Variants in CASKIN1 observed in about 807,000 individuals in gnomAD.
The protein encoded by CASKIN1 is caskin-1.
Under a neutral mutation model 117.5 loss-of-function variants are expected in CASKIN1, and 42 were observed. The observed-to-expected ratio is 0.36, with a 90% CI of 0.28 to 0.46. The LOEUF (loss-of-function observed/expected upper bound fraction) is 0.46. CASKIN1 is among the 20% of genes least tolerant of loss of function. The probability of loss-of-function intolerance (pLI) is 1.00; values close to 1 mark genes in which losing one functional copy is unlikely to be tolerated. For missense variants in CASKIN1, 2,083 were observed against 2,077.3 expected, an observed-to-expected ratio of 1.00 and a Z score of -0.05; for synonymous variants, 1,148 against 961.7, an observed-to-expected ratio of 1.19 and a Z score of -3.59.
At chr16:2,187,510 G>C (rs561382265) in intron 6 of CASKIN1, 49 bp from the exon 7 acceptor site, 421 of 1,488,466 alleles carry the variant, frequency 2.8e-4, no homozygotes, top group Non-Finnish European at 3.8e-4. Context: ...CAGGAGGCCG[G>C]CCCCAGCACC....
chr16:2,193,110 C>T (rs936128952), intron 1 of CASKIN1, among the ~76,000 whole-genome samples: 8 of 152,136 alleles, frequency 5.3e-5, no homozygotes, highest in African/African-American at 1.4e-4. Flanking sequence ...CTCCACCTCC[C>T]GGGTTCAAGC....
Position 2,178,426 on chromosome 16 carries a change from G to T in CASKIN1, c.*124C>A. ...GCGCCCCGGCCCGGGTCCAGGGGCC[G>T]GAGTTGTGCTTCTGCAGGGCCCTGC... On this transcript the variant is annotated 3_prime_UTR_variant, in exon 20 of 20. Transcript: ENST00000343516. 1 of 673,334 alleles carries T rather than the reference G, an allele frequency of 1.5e-6. No individual in the cohort carries two copies. The highest frequency in any genetic ancestry group is 2.2e-6 in the Non-Finnish European group (1 of 444,808). 41.7% of individuals were successfully genotyped at this position (673,334 alleles called of 1,614,324 possible).
chr16:2,194,183 G>A (rs1344340200), intron 1 of CASKIN1, among the ~76,000 whole-genome samples: 2 of 152,240 alleles, frequency 1.3e-5, no homozygotes, highest in East Asian at 3.9e-4. Flanking sequence ...GCTGGCCCTC[G>A]GTGCTCAGGG....
intron 1 of CASKIN1, 75 bp from the exon 2 acceptor site, chr16:2,190,433 G>A (rs1379140427): frequency 7.6e-7 from 1 of 1,322,922 alleles, no homozygotes. Flanking sequence ...GGGAGAGGGG[G>A]CCAGCCATCT....
chr16:2,178,080 G>C lies in CASKIN1; in HGVS notation c.*470C>G, dbSNP rs761536655. On this transcript the variant is annotated 3_prime_UTR_variant, in exon 20 of 20. Transcript: ENST00000343516. ...AAGTTATACCTTTTTGTTTCTCTGG[G>C]GAAATCCGCCTCAGCTCATTCCCAA... The C allele has an allele frequency of 2.0e-6, 1 of 488,984 alleles. No individual in the cohort carries two copies. Among genetic ancestry groups the C allele is most frequent in the Non-Finnish European group, 3.9e-6 (1 of 254,970 alleles). The allele number at this position is 488,984 out of a possible 1,614,324, so 30.3% of individuals were successfully genotyped here.
At chr16:2,185,749 G>A (rs929885462) in intron 10 of CASKIN1, among the ~76,000 whole-genome samples, 4 of 152,236 alleles carry the variant, frequency 2.6e-5, no homozygotes, top group Admixed American at 2.0e-4. Context: ...TCAGGAGCTA[G>A]ATGGCCATGG....
At position 2,181,948 on chromosome 16, in the gene CASKIN1, G is replaced by A. The variant is rs2093169615; in HGVS notation, c.1630-19C>T. ...GGTTAGCCTACAGAGCAGACACACA[G>A]AGGAGCCACCTGGGCTGGCTGCCCG... is the stretch of plus-strand genomic sequence containing the variant. On this transcript the variant is annotated intron_variant, in intron 16 of 19. Coordinates refer to ENST00000343516, the MANE Select transcript of CASKIN1 (RefSeq NM_020764.4). The A allele has an allele frequency of 6.2e-7, 1 of 1,611,702 alleles. No homozygotes were observed.
At position 2,196,434 on chromosome 16, in the gene CASKIN1, G is replaced by T; in HGVS notation, c.-2C>A. 1 of 1,275,410 alleles carries T rather than the reference G, an allele frequency of 7.8e-7. No homozygotes were observed. Among genetic ancestry groups the T allele is most frequent in the South Asian group, 1.7e-5 (1 of 58,326 alleles). 79.0% of individuals were successfully genotyped at this position (1,275,410 alleles called of 1,614,324 possible). ...CACCAGCTCCTGCTCCTTCCCCATG[G>T]CGCGGCCGGGGCCGCAGCGACGCGG... On this transcript the variant is annotated 5_prime_UTR_variant, in exon 1 of 20. Coordinates refer to ENST00000343516, the MANE Select transcript of CASKIN1 (RefSeq NM_020764.4). The surrounding 1 kb of genome is among the most constrained non-coding windows in gnomAD (Gnocchi z 5.7).
chr16:2,177,937 G>C lies in CASKIN1; in HGVS notation c.*613C>G, dbSNP rs1478053215. 1.1e-5 allele frequency: 4 copies of C among 349,532 alleles called. No individual in the cohort carries two copies. Among genetic ancestry groups the C allele is most frequent in the Non-Finnish European group, 2.1e-5 (4 of 186,114 alleles). The allele number at this position is 349,532 out of a possible 1,614,324, so 21.7% of individuals were successfully genotyped here. A position where few individuals can be genotyped will look rare whatever the true frequency, so the allele number is the denominator to read the frequency against. Reference sequence around the variant, plus strand: ...CACTCTGGCCGGAGGAAGGACCGCAGGCAGACAGCCTGGGCCTCTAACAGC... The same window carrying C: ...CACTCTGGCCGGAGGAAGGACCGCACGCAGACAGCCTGGGCCTCTAACAGC... On this transcript the variant is annotated 3_prime_UTR_variant, in exon 20 of 20. Transcript: ENST00000343516.
Position 2,189,399 on chromosome 16 carries a change from C to T in CASKIN1, c.390+20G>A, listed in dbSNP as rs527572326. On this transcript the variant is annotated intron_variant, in intron 4 of 19. Transcript: ENST00000343516. ...CCGCGCTGCCCCGCCCCCGCTGCCC[C>T]GCCCCCGCTCGGGCCTCACCACATC... 9.4e-5 allele frequency: 152 copies of T among 1,610,066 alleles called. No homozygotes were observed. The highest frequency in any genetic ancestry group is 1.5e-4 in the African/African-American group (11 of 74,924).
intron 1 of CASKIN1, among the ~76,000 whole-genome samples, chr16:2,192,164 A>AG (rs1406915703): frequency 6.6e-6 from 1 of 151,946 alleles, no homozygotes; most frequent in Non-Finnish European, 1.5e-5. Flanking sequence ...CTGGGCACGG[A>AG]GGGGTGTGCC....
chr16:2,180,259 G>A lies in CASKIN1; in HGVS notation c.3109C>T (p.Pro1037Ser), dbSNP rs1056956101. 3 of 1,558,090 alleles carry A rather than the reference G, an allele frequency of 1.9e-6. No individual in the cohort carries two copies. Among genetic ancestry groups the A allele is most frequent in the African/African-American group, 1.4e-5 (1 of 73,406 alleles). Residue 1037 changes from proline to serine, a missense_variant, in exon 18 of 20, where the codon CCG becomes TCG. Physicochemically the swap from Pro to Ser is moderately conservative, Grantham distance 74 (BLOSUM62 -1). Coordinates refer to ENST00000343516, the MANE Select transcript of CASKIN1 (RefSeq NM_020764.4). The stretch of plus-strand genomic sequence containing the variant: ...GCCAGCACGGTGGCCACCCGGCCCG[G>A]CTCTGGGCTGGCAGGGCGGGGAGTG... ...HPTPRPASPE[P>S]GRVATVLASV...
Position 2,180,710 on chromosome 16 carries a change from A to G in CASKIN1, c.2658T>C (p.Tyr886=), listed in dbSNP as rs1462751127. The G allele has an allele frequency of 6.8e-7, 1 of 1,478,722 alleles. No individual in the cohort carries two copies. Among genetic ancestry groups the G allele is most frequent in the East Asian group, 2.5e-5 (1 of 39,388 alleles). 91.6% of individuals were successfully genotyped at this position (1,478,722 alleles called of 1,614,324 possible). ...PKKRAHSLNR[Y]AASDSEPERD... Reference sequence around the variant, plus strand: ...GCTCCGGCTCGCTGTCGGACGCCGCATAGCGATTCAGGCTGTGGGCCCGCT... The same window carrying G: ...GCTCCGGCTCGCTGTCGGACGCCGCGTAGCGATTCAGGCTGTGGGCCCGCT... The change falls in exon 18 of 20, where the codon TAT becomes TAC. Residue 886 remains tyrosine (Y), a synonymous_variant. Transcript: ENST00000343516.
chr16:2,196,280 T>G lies in CASKIN1; in HGVS notation c.94+59A>C. ...CCCCGCCCGGCGCCGGGTGGGGGGCTCCGCGCCGGGGAGGGGCCCCCGGGG... is the reference window on the plus strand; with the variant it reads ...CCCCGCCCGGCGCCGGGTGGGGGGCGCCGCGCCGGGGAGGGGCCCCCGGGG... On this transcript the variant is annotated intron_variant, in intron 1 of 19. Coordinates refer to ENST00000343516, the MANE Select transcript of CASKIN1 (RefSeq NM_020764.4). This position sits in a 1 kb window ranked among gnomAD's most constrained non-coding sequence, Gnocchi z 5.7. 1.3e-6 allele frequency: 1 copy of G among 760,476 alleles called. No homozygotes were observed. Among genetic ancestry groups the G allele is most frequent in the Non-Finnish European group, 1.7e-6 (1 of 591,604 alleles). 47.1% of individuals were successfully genotyped at this position (760,476 alleles called of 1,614,324 possible). A position where few individuals can be genotyped will look rare whatever the true frequency, so the allele number is the denominator to read the frequency against.
Position 2,177,584 on chromosome 16 carries a change from C to G in CASKIN1, c.*966G>C, listed in dbSNP as rs111428398. The stretch of plus-strand genomic sequence containing the variant: ...GCCTTGGACCATGAGCAGAAGCGTC[C>G]GTGGGAACTCCACTGGGGTGGATGG... On this transcript the variant is annotated 3_prime_UTR_variant, in exon 20 of 20. Transcript: ENST00000343516. 547 of 236,088 alleles carry G rather than the reference C, an allele frequency of 2.3e-3. 5 individuals carry two copies. The highest frequency in any genetic ancestry group is 0.011 in the African/African-American group (496 of 45,366). 14.6% of individuals were successfully genotyped at this position (236,088 alleles called of 1,614,324 possible).
At chr16:2,181,708 G>A in intron 17 of CASKIN1, 83 bp downstream of exon 17, 3 of 1,507,920 alleles carry the variant, frequency 2.0e-6, no homozygotes, top group Non-Finnish European at 2.7e-6. Flanking sequence ...GGCTGGGGCG[G>A]GGCTGGGGCT....
rs1045792602 is a variant in CASKIN1 at position 2,178,280 on chromosome 16, C to G, written c.*270G>C. 7 of 404,824 alleles carry G rather than the reference C, an allele frequency of 1.7e-5. No homozygotes were observed. Among genetic ancestry groups the G allele is most frequent in the South Asian group, 1.1e-4 (4 of 35,250 alleles). 25.1% of individuals were successfully genotyped at this position (404,824 alleles called of 1,614,324 possible). A position where few individuals can be genotyped will look rare whatever the true frequency, so the allele number is the denominator to read the frequency against. On this transcript the variant is annotated 3_prime_UTR_variant, in exon 20 of 20. Coordinates refer to ENST00000343516, the MANE Select transcript of CASKIN1 (RefSeq NM_020764.4). ...CCCATCCCTGGTCCCGGGGCGCCCTCCCCTCCCGCGCGGGCAGGAGGCCCA... is the reference window on the plus strand; with the variant it reads ...CCCATCCCTGGTCCCGGGGCGCCCTGCCCTCCCGCGCGGGCAGGAGGCCCA...
Position 2,179,942 on chromosome 16 carries a change from C to A in CASKIN1, c.3426G>T (p.Leu1142=). The change falls in exon 18 of 20, where the codon CTG becomes CTT. Residue 1142 remains leucine (L), a synonymous_variant. Transcript: ENST00000343516. This position sits in a 1 kb window ranked among gnomAD's most constrained non-coding sequence, Gnocchi z 5.8. Reference sequence around the variant, plus strand: ...TGCGCTTGACCGTGTCAGACTCGGTCAGGATGAACTTGACGTTCTCCTGCT... The same window carrying A: ...TGCGCTTGACCGTGTCAGACTCGGTAAGGATGAACTTGACGTTCTCCTGCT... ...QNQQENVKFI[L]TESDTVKRRP... 1 of 1,606,300 alleles carries A rather than the reference C, an allele frequency of 6.2e-7. No homozygotes were observed. The highest frequency in any genetic ancestry group is 1.1e-5 in the South Asian group (1 of 89,840).
chr16:2,181,088 A>G lies in CASKIN1; in HGVS notation c.2280T>C (p.Pro760=). The change falls in exon 18 of 20, where the codon CCT becomes CCC. Residue 760 remains proline, a synonymous_variant. Transcript: ENST00000343516. The stretch of plus-strand genomic sequence containing the variant: ...GTGGGAGGACCTGCCGTGGCTTGCC[A>G]GGCACGGGGGGCACGCTGGCCCTCT... The part of the protein sequence containing the change: ...SIKRASVPPV[P]GKPRQVLPPG... The G allele has an allele frequency of 6.8e-7, 1 of 1,480,832 alleles. No individual in the cohort carries two copies. The highest frequency in any genetic ancestry group is 1.4e-5 in the South Asian group (1 of 71,950). The allele number at this position is 1,480,832 out of a possible 1,614,324, so 91.7% of individuals were successfully genotyped here.
Sources: gnomAD v4.1 joint callset for allele counts (sites outside exome capture counted in the v4.1 genomes callset) on GRCh38, gnomAD v4.1.1 for gene constraint, Gnocchi (gnomAD v3.1) non-coding constraint, MANE v1.5 for transcripts, NCBI Gene and HGNC (gene_info 2026-07-23, HGNC 2026-07-21) for gene names.